The following CPAMD8 variants were observed in gnomAD, a reference collection of about 807,000 sequenced individuals.
The protein encoded by CPAMD8 is C3 and PZP like alpha-2-macroglobulin domain containing 8, also known as C3 and PZP-like alpha-2-macroglobulin domain-containing protein 8.
A neutral mutation model predicts 224.7 loss-of-function variants in CPAMD8; 146 were observed. The ratio of observed to expected loss-of-function variants is 0.65; its 90% CI spans 0.57 to 0.75. CPAMD8 has a LOEUF of 0.75. CPAMD8 is among the 30% of genes least tolerant of loss of function. The pLI is 0.00. For missense variants in CPAMD8, 2,301 were observed against 2,537.5 expected (o/e 0.91, Z 2.00); for synonymous variants, 966 against 1,044.6 (o/e 0.92, Z 1.45).
chr19:16,947,045 G>T (rs1316413425), intron 21 of CPAMD8, 29 bp downstream of exon 21: 2 of 1,562,214 alleles, frequency 1.3e-6, no homozygotes, highest in Non-Finnish European at 1.7e-6. Flanking sequence ...TGGAGAGGGG[G>T]GACACCCCAA....
At chr19:16,945,474 C>G (rs1327597816) in intron 22 of CPAMD8, 75 bp downstream of exon 22, 1 of 1,568,474 alleles carries the variant, frequency 6.4e-7, no homozygotes, top group Non-Finnish European at 8.7e-7. Flanking sequence ...AGACCACACA[C>G]TCCAGCTGGG....
At chr19:16,978,108 C>A (rs903776802) in intron 14 of CPAMD8, among the ~76,000 whole-genome samples, 1 of 152,170 alleles carries the variant, frequency 6.6e-6, no homozygotes, top group Non-Finnish European at 1.5e-5. Flanking sequence ...GAAAGGCTCC[C>A]AGTTCCAGAA....
chr19:17,021,336 C>T (rs117468247), intron 2 of CPAMD8, among the ~76,000 whole-genome samples: 1 of 152,178 alleles, frequency 6.6e-6, no homozygotes, highest in Non-Finnish European at 1.5e-5. Context: ...TCTTCTAGGA[C>T]TAGAAGGGCT....
chr19:16,997,483 C>T (rs1005055559), intron 10 of CPAMD8, 145 bp from the exon 11 acceptor site: 18 of 647,714 alleles, frequency 2.8e-5, no homozygotes, highest in African/African-American at 5.4e-5. Context: ...ATCTATGCCA[C>T]GGGACCATGC....
At chr19:16,995,049 CTCT>C (rs1480288754) in intron 11 of CPAMD8, among the ~76,000 whole-genome samples, 1 of 152,172 alleles carries the variant, frequency 6.6e-6, no homozygotes, top group Non-Finnish European at 1.5e-5. Flanking sequence ...AGCCTTAAAC[CTCT>C]TCTTCATACA....
At chr19:16,936,565 G>T (rs556072041) in intron 23 of CPAMD8, among the ~76,000 whole-genome samples, 102 of 151,954 alleles carry the variant, frequency 6.7e-4, no homozygotes, top group Non-Finnish European at 1.2e-3. Context: ...ACCATGCCTG[G>T]CTAATTTTTT....
chr19:16,897,703 C>A lies in CPAMD8; in HGVS notation c.5053G>T (p.Ala1685Ser). ...TCCGCGCACTCACCCGGGCCCCGGG[C>A]AGGGGCGCGCTCCACTTCGTTGCAC... The part of the protein sequence containing the change: ...PACNEVERAP[A>S]RGPGWFPGES... Residue 1685 changes from alanine (A) to serine (S), a missense_variant, in exon 39 of 42, where the codon GCC (alanine) becomes TCC (serine). Coordinates refer to ENST00000443236, the MANE Select transcript of CPAMD8 (RefSeq NM_015692.5). 1.3e-6 allele frequency: 2 copies of A among 1,538,722 alleles called. No homozygotes were observed. The highest frequency in any genetic ancestry group is 1.8e-6 in the Non-Finnish European group (2 of 1,140,448).
At chr19:17,014,735 C>G (rs1366032840) in intron 3 of CPAMD8, among the ~76,000 whole-genome samples, 1 of 152,192 alleles carries the variant, frequency 6.6e-6, no homozygotes, top group East Asian at 1.9e-4. Context: ...ATTCAATTAT[C>G]TCCCTCTGGG....
chr19:16,924,572 T>C (rs1343673760), intron 26 of CPAMD8, among the ~76,000 whole-genome samples: 3 of 152,146 alleles, frequency 2.0e-5, no homozygotes, highest in African/African-American at 7.2e-5. Flanking sequence ...TGACTGTTTC[T>C]TCTTCTTTAT....
chr19:16,968,735 G>T lies in CPAMD8; in HGVS notation c.2213+2156C>A, dbSNP rs932730135. ...CTCACTGCAGCCTCAACCTTCCCAG[G>T]CTCAAGCAATCCTCCAGTCTCAGCC... On this transcript the variant is annotated intron_variant, in intron 18 of 41. Transcript: ENST00000443236. 2.6e-5 allele frequency among the ~76,000 whole-genome samples: 4 copies of T among 152,174 alleles called. No homozygotes were observed. In the South Asian group the frequency reaches 8.3e-4, roughly 32 times the overall value.
chr19:16,906,936 G>A lies in CPAMD8; in HGVS notation c.4027+16C>T, dbSNP rs747642020. The stretch of plus-strand genomic sequence containing the variant: ...TCCCGACGCTGTGGCCTCTGGGGAG[G>A]GCCAGGGACACCTACCTCGCATGAT... On this transcript the variant is annotated intron_variant, in intron 30 of 41. Transcript: ENST00000443236. The A allele has an allele frequency of 5.1e-6, 8 of 1,571,114 alleles. No homozygotes were observed. In the Admixed American group the frequency reaches 1.5e-4, roughly 30 times the overall value.
rs73525440 is a variant in CPAMD8, at chr19:16,928,888, G to A, written c.3144+54C>T. On this transcript the variant is annotated intron_variant, in intron 24 of 41. Coordinates refer to ENST00000443236, the MANE Select transcript of CPAMD8 (RefSeq NM_015692.5). ...CCTGGCACCAAACAGGAAGCAGCTAGTATTGGAGGAACATGAGGCTTCTGC... is the reference window on the plus strand; with the variant it reads ...CCTGGCACCAAACAGGAAGCAGCTAATATTGGAGGAACATGAGGCTTCTGC... 14,195 of 1,419,152 alleles carry A rather than the reference G, an allele frequency of 0.01. 1,195 individuals are homozygous for A. In the African/African-American group the frequency reaches 0.18, roughly 18 times the overall value. 87.9% of individuals were successfully genotyped at this position (1,419,152 alleles called of 1,614,324 possible).
chr19:16,984,851 A>G (rs1397934416), intron 13 of CPAMD8, among the ~76,000 whole-genome samples: 4 of 152,232 alleles, frequency 2.6e-5, no homozygotes, highest in Admixed American at 6.5e-5. Context: ...AAAACCAAGT[A>G]CATACACATG....
At chr19:16,979,102 A>C (rs2122741099) in intron 14 of CPAMD8, among the ~76,000 whole-genome samples, 1 of 144,496 alleles carries the variant, frequency 6.9e-6, no homozygotes, top group Non-Finnish European at 1.5e-5. Flanking sequence ...TCCACCCACT[A>C]TCCATCCATC....
chr19:16,896,282 G>A lies in CPAMD8; in HGVS notation c.5320C>T (p.Leu1774=). The change falls in exon 41 of 42, where the codon CTG becomes TTG. Residue 1774 remains leucine, a synonymous_variant. Coordinates refer to ENST00000443236, the MANE Select transcript of CPAMD8 (RefSeq NM_015692.5). ...ASSSSTYGDD[L]ASVAPGPLQQ... is the part of the protein sequence containing the mutation. ...AAAGGCCCCGGGGCCACAGAAGCCA[G>A]GTCATCCCCGTAGGTGGAGGACGAC... 14 of 1,613,106 alleles carry A rather than the reference G, an allele frequency of 8.7e-6. No individual in the cohort carries two copies. The highest frequency in any genetic ancestry group is 1.2e-5 in the Non-Finnish European group (14 of 1,179,934).
At position 16,928,082 on chromosome 19, in the gene CPAMD8, G is replaced by A. The variant is rs201603201; in HGVS notation, c.3297C>T (p.Tyr1099=). The A allele has an allele frequency of 1.4e-5, 22 of 1,614,012 alleles. No homozygotes were observed. The African/African-American group carries it at 2.8e-4, about 21-fold the overall frequency. ...IWRKMEVDES[Y]SEAFTLGVPH... ...GGACCCCCAGGGTGAAGGCCTCGCT[G>A]TAGCTCTCGTCCACCTCCATCTTCC... is the stretch of plus-strand genomic sequence containing the variant. The change falls in exon 25 of 42, where the codon TAC becomes TAT. Residue 1099 remains tyrosine, a synonymous_variant. Transcript: ENST00000443236.
chr19:16,950,297 CAAATAAAT>C (rs369163512), intron 20 of CPAMD8, among the ~76,000 whole-genome samples: 3 of 151,758 alleles, frequency 2.0e-5, no homozygotes, highest in Non-Finnish European at 2.9e-5. Context: ...GATCCTATCT[CAAATAAAT>C]AAATAAATAA....
intron 3 of CPAMD8, among the ~76,000 whole-genome samples, chr19:17,012,520 T>C (rs1388231407): frequency 6.6e-6 from 1 of 151,876 alleles, no homozygotes; most frequent in African/African-American, 2.4e-5. Context: ...GCTTATTTTG[T>C]TTATTTTTGG....
intron 35 of CPAMD8, among the ~76,000 whole-genome samples, chr19:16,901,532 C>T (rs1479948721): frequency 6.6e-6 from 1 of 152,206 alleles, no homozygotes; most frequent in Non-Finnish European, 1.5e-5. Context: ...TAGGCCTGAC[C>T]AGGTCTCTTG....
Sources: gnomAD v4.1 joint callset for allele counts (sites outside exome capture counted in the v4.1 genomes callset) on GRCh38, gnomAD v4.1.1 for gene constraint, MANE v1.5 for transcripts, NCBI Gene and HGNC (gene_info 2026-07-23, HGNC 2026-07-21) for gene names.